Variants in PRKAG1 observed in about 807,000 individuals in gnomAD.
PRKAG1 encodes the protein 5'-AMP-activated protein kinase subunit gamma-1.
In PRKAG1, 27 loss-of-function variants were observed where a neutral mutation model predicts 48.2. The observed-to-expected ratio is 0.56, with a 90% CI of 0.41 to 0.77. The LOEUF is 0.77. Among genes scored for constraint, PRKAG1 ranks in the 30% least tolerant of loss-of-function variants. PRKAG1 has a pLI of 0.00. For synonymous variants in PRKAG1, 130 were observed against 147.7 expected, an observed-to-expected ratio of 0.88 and a Z score of 0.87; for missense variants, 287 against 398.3, an observed-to-expected ratio of 0.72 and a Z score of 2.38.
intron 1 of PRKAG1, 103 bp downstream of exon 1, chr12:49,018,629 T>C (rs1426638030): frequency 4.4e-6 from 7 of 1,592,282 alleles, no homozygotes; most frequent in African/African-American, 1.4e-5. Flanking sequence ...TTTTGTTTGC[T>C]AGACACCAGC....
At position 49,003,838 on chromosome 12, in the gene PRKAG1, G is replaced by A. The variant is rs1271637172; in HGVS notation, c.622C>T (p.Arg208Cys). The A allele has an allele frequency of 4.3e-6, 7 of 1,614,080 alleles. No homozygotes were observed. Among genetic ancestry groups the A allele is most frequent in the South Asian group, 2.2e-5 (2 of 91,074 alleles). The change falls in exon 9 of 12, where the codon CGC becomes TGC. Residue 208 changes from arginine to cysteine, a missense_variant. By Grantham distance (180) the Arg-to-Cys change is radical. This residue lies in a region of PRKAG1 where 224 missense variants were observed against 344.3 expected (regional missense o/e 0.65). Transcript: ENST00000548065. Reference protein sequence around the residue: ...IGTYANIAMVRTTTPVYVALG... With the variant: ...IGTYANIAMVCTTTPVYVALG... The stretch of plus-strand genomic sequence containing the variant: ...GCCACATAGACGGGGGTGGTAGTGC[G>A]AACCATAGCAATATTGGCATAGGTG...
intron 2 of PRKAG1, among the ~76,000 whole-genome samples, chr12:49,007,393 G>A (rs942586777): frequency 3.9e-5 from 6 of 152,106 alleles, no homozygotes; most frequent in Admixed American, 3.9e-4. Flanking sequence ...AACTGCTCAA[G>A]GTCACACCAT....
intron 1 of PRKAG1, 126 bp from the exon 2 acceptor site, chr12:49,013,236 C>T (rs1941830427): frequency 6.2e-6 from 5 of 805,820 alleles, no homozygotes; most frequent in Non-Finnish European, 1.0e-5. Flanking sequence ...ACTGCCCCCG[C>T]CAAACCCTTT....
At position 49,005,645 on chromosome 12, in the gene PRKAG1, T is replaced by G. The variant is rs1941506458; in HGVS notation, c.168+98A>C. The G allele has an allele frequency of 6.2e-7, 1 of 1,611,238 alleles. No individual in the cohort carries two copies. Among genetic ancestry groups the G allele is most frequent in the Non-Finnish European group, 8.5e-7 (1 of 1,177,992 alleles). On this transcript the variant is annotated intron_variant, in intron 3 of 11. Transcript: ENST00000548065. The surrounding 1 kb of genome is among the most constrained non-coding windows in gnomAD (Gnocchi z 4.1). ...TGTTGGGTAAAACATGAGACTAACT[T>G]CACAGAAGGATAAGGATATTACCCT... is the stretch of plus-strand genomic sequence containing the variant.
chr12:49,004,833 G>GTGTGTGTGTC, intron 7 of PRKAG1, 131 bp downstream of exon 7: 1 of 961,678 alleles, frequency 1.0e-6, no homozygotes, highest in East Asian at 2.4e-5. Context: ...GTGTGTGTGT[G>GTGTGTGTGTC]TGTGTGTGTG....
intron 1 of PRKAG1, chr12:49,018,325 A>T (rs1942086279): frequency 2.2e-6 from 1 of 452,732 alleles, no homozygotes; most frequent in Admixed American, 5.4e-5. Flanking sequence ...ATCGAGGTCC[A>T]GGAGCTACCT....
In PRKAG1 at chr12:49,003,233, G is replaced by T; in HGVS notation, c.799C>A (p.Gln267Lys). 1 of 1,614,186 alleles carries T rather than the reference G, an allele frequency of 6.2e-7. No homozygotes were observed. The highest frequency in any genetic ancestry group is 8.5e-7 in the Non-Finnish European group (1 of 1,180,018). The change falls in exon 11 of 12, where the codon CAA becomes AAA. Residue 267 changes from glutamine (Q) to lysine (K), a missense_variant. By Grantham distance (53) the Gln-to-Lys change is moderately conservative. Coordinates refer to ENST00000548065, the MANE Select transcript of PRKAG1 (RefSeq NM_002733.5). ...NLDVSVTKAL[Q>K]HRSHYFEGVL... ...CCCTCAAAGTAATGTGATCGATGTT[G>T]CAAGGCTTTAGTCACAGATACATCT...
At chr12:49,017,946 T>A (rs1035277706) in intron 1 of PRKAG1, 1 of 152,114 alleles carries the variant, frequency 6.6e-6, no homozygotes, top group African/African-American at 2.4e-5. Flanking sequence ...GACACATGGT[T>A]AAAAACTGTG....
In PRKAG1 at chr12:49,005,339, G is replaced by T. The variant is rs558879741; in HGVS notation, c.276C>A (p.Ile92=). 5 of 1,614,172 alleles carry T rather than the reference G, an allele frequency of 3.1e-6. No individual in the cohort carries two copies. In the African/African-American group the frequency reaches 5.3e-5, roughly 17 times the overall value. Residue 92 remains isoleucine (I), a synonymous_variant, in exon 5 of 12, where the codon ATC becomes ATA. Coordinates refer to ENST00000548065, the MANE Select transcript of PRKAG1 (RefSeq NM_002733.5). This position sits in a 1 kb window ranked among gnomAD's most constrained non-coding sequence, Gnocchi z 4.1. ...FVGMLTITDF[I]NILHRYYKSA... ...ATTTATAGTAGCGGTGCAGGATATT[G>T]ATGAAATCAGTGATGGTCAGCATGC...
At chr12:49,012,776 T>C (rs1407086335) in intron 2 of PRKAG1, 1 of 426,456 alleles carries the variant, frequency 2.3e-6, no homozygotes, top group Non-Finnish European at 4.3e-6. Flanking sequence ...TACCCAGGAC[T>C]TCTAAAACAT....
chr12:49,016,485 T>A (rs974882738), intron 1 of PRKAG1: 8 of 151,200 alleles, frequency 5.3e-5, no homozygotes, highest in African/African-American at 1.5e-4. Flanking sequence ...CCCATCTTGT[T>A]TTTTTGTTTT....
intron 1 of PRKAG1, among the ~76,000 whole-genome samples, chr12:49,013,640 G>A (rs1019609351): frequency 2.6e-5 from 4 of 152,046 alleles, no homozygotes; most frequent in African/African-American, 9.7e-5. Flanking sequence ...TGTCTCTGAG[G>A]GTCAAGAGAC....
At chr12:49,015,289 G>A (rs1438835334) in intron 1 of PRKAG1, among the ~76,000 whole-genome samples, 1 of 152,216 alleles carries the variant, frequency 6.6e-6, no homozygotes, top group African/African-American at 2.4e-5. Flanking sequence ...CCCATCATAT[G>A]ATATATACTG....
At position 49,018,612 on chromosome 12, in the gene PRKAG1, GGCT is replaced by G; in HGVS notation, c.9+117_9+119del. The G allele has an allele frequency of 4.4e-6, 7 of 1,578,712 alleles. No individual in the cohort carries two copies. The Middle Eastern group carries it at 6.8e-4, about 154-fold the overall frequency. ...GGGTCACGGGATAGGGCAGACACCC[GGCT>G]GCTTTTTGTTTGCTAGACACCAGCG... On this transcript the variant is annotated intron_variant, in intron 1 of 11. Coordinates refer to ENST00000548065, the MANE Select transcript of PRKAG1 (RefSeq NM_002733.5).
At chr12:49,013,141 AC>A in intron 1 of PRKAG1, 31 bp from the exon 2 acceptor site, 1 of 1,594,168 alleles carries the variant, frequency 6.3e-7, no homozygotes, top group Non-Finnish European at 8.6e-7. Context: ...ATTCAGCTTA[AC>A]CTGGTTCCAT....
Position 49,003,474 on chromosome 12 carries a change from A to G in PRKAG1, c.741+84T>C, listed in dbSNP as rs1941379243. The G allele has an allele frequency of 1.9e-6, 3 of 1,567,516 alleles. No individual in the cohort carries two copies. In the African/African-American group the frequency reaches 4.1e-5, roughly 21 times the overall value. On this transcript the variant is annotated intron_variant, in intron 10 of 11. Coordinates refer to ENST00000548065, the MANE Select transcript of PRKAG1 (RefSeq NM_002733.5). ...GCTTCTAAGACCCTTAGATCACAGA[A>G]GAGACTCCCTTCTCCCTCTCCATAT...
chr12:49,004,279 A>G, intron 8 of PRKAG1: 1 of 576,690 alleles, frequency 1.7e-6, no homozygotes, highest in Non-Finnish European at 2.9e-6. Flanking sequence ...GCAACAGAGT[A>G]AGAACTTGTC....
chr12:49,009,009 CCT>C (rs1163036502), intron 2 of PRKAG1, among the ~76,000 whole-genome samples: 1 of 151,936 alleles, frequency 6.6e-6, no homozygotes, highest in Non-Finnish European at 1.5e-5. Flanking sequence ...TATTTCCTTC[CCT>C]CTGTGTTGCC....
At chr12:49,004,388 G>A (rs1941429735) in intron 8 of PRKAG1, 119 bp downstream of exon 8, 1 of 1,352,188 alleles carries the variant, frequency 7.4e-7, no homozygotes, top group South Asian at 1.3e-5. Flanking sequence ...AGGATCACTT[G>A]AGCTCAGGAG....
Sources: allele counts gnomAD v4.1 joint callset (sites outside exome capture counted in the v4.1 genomes callset), GRCh38; gene constraint gnomAD v4.1.1; regional missense constraint gnomAD v4.1.1; non-coding constraint Gnocchi (gnomAD v3.1); transcripts MANE v1.5; gene names NCBI Gene and HGNC (gene_info 2026-07-23, HGNC 2026-07-21).